FAM135B: variants seen among roughly 807,000 people sequenced by gnomAD.
FAM135B encodes the protein protein FAM135B.
Under a neutral mutation model 127.7 loss-of-function variants are expected in FAM135B, and 43 were observed. That is an observed-to-expected ratio of 0.34 (90% CI 0.26 to 0.43). FAM135B has a LOEUF of 0.43. Ranked by LOEUF, FAM135B falls within the 20% of genes least tolerant of loss-of-function variation. The probability of loss-of-function intolerance (pLI) is 1.00; values close to 1 mark genes in which losing one functional copy is unlikely to be tolerated. For missense variants in FAM135B, 1,558 were observed against 1,725.6 expected (o/e 0.90, Z 1.72); for synonymous variants, 670 against 665.1 (o/e 1.01, Z -0.11).
rs773604660 is a variant in FAM135B at position 138,153,000 on chromosome 8, A to G, written c.1475T>C (p.Met492Thr). The G allele has an allele frequency of 6.2e-7, 1 of 1,614,246 alleles. No individual in the cohort carries two copies. The highest frequency in any genetic ancestry group is 1.3e-5 in the African/African-American group (1 of 75,072). ...CACCTGAGATTCAGAGCACATGTCCATATGATTTTGTGTGGCCACATTCTC... is the reference window on the plus strand; with the variant it reads ...CACCTGAGATTCAGAGCACATGTCCGTATGATTTTGTGTGGCCACATTCTC... ...PGENVATQNHMDMCSESQVYI... is the reference protein window; with the variant it reads ...PGENVATQNHTDMCSESQVYI... The change falls in exon 13 of 20, where the codon ATG becomes ACG. Residue 492 changes from methionine to threonine, a missense_variant. Coordinates refer to ENST00000395297, the MANE Select transcript of FAM135B (RefSeq NM_015912.4).
chr8:138,373,564 G>A (rs977209012), intron 1 of FAM135B, among the ~76,000 whole-genome samples: 6 of 151,894 alleles, frequency 4.0e-5, no homozygotes, highest in Non-Finnish European at 8.8e-5. Context: ...TAACAGCAAT[G>A]TTCAGGGAAT....
intron 4 of FAM135B, among the ~76,000 whole-genome samples, chr8:138,259,546 T>C (rs1443824809): frequency 6.6e-6 from 1 of 152,190 alleles, no homozygotes; most frequent in Non-Finnish European, 1.5e-5. Flanking sequence ...CTATTATTAT[T>C]GCTGTCATTT....
rs146113652 is a variant in FAM135B at position 138,394,617 on chromosome 8, T to C, written c.-19-26615A>G. Among the ~76,000 whole-genome samples the C allele has an allele frequency of 1.9e-3, 288 of 152,312 alleles. 2 individuals carry two copies. Among genetic ancestry groups the C allele is most frequent in the Middle Eastern group, 0.01 (3 of 294 alleles). ...TCTCATTTCACTGAGGCAGGTGACC[T>C]TGGTGATCTGACTTCCGTGAATGTC... On this transcript the variant is annotated intron_variant, in intron 1 of 19. Transcript: ENST00000395297.
chr8:138,485,373 G>C (rs976769647), intron 1 of FAM135B, among the ~76,000 whole-genome samples: 2 of 152,110 alleles, frequency 1.3e-5, no homozygotes, highest in African/African-American at 2.4e-5. Context: ...ATTCAAGGAA[G>C]AGTCGCATCG....
At chr8:138,163,608 C>A (rs1048287631) in intron 12 of FAM135B, among the ~76,000 whole-genome samples, 63 of 152,138 alleles carry the variant, frequency 4.1e-4, no homozygotes, top group African/African-American at 1.4e-3. Context: ...GGCTCTCATT[C>A]TCTCTTTGCC....
chr8:138,353,018 C>T (rs1829873655), intron 2 of FAM135B, among the ~76,000 whole-genome samples: 2 of 152,138 alleles, frequency 1.3e-5, no homozygotes, highest in Admixed American at 6.5e-5. Flanking sequence ...AATGCCTCTC[C>T]CTGCTACAAT....
intron 1 of FAM135B, among the ~76,000 whole-genome samples, chr8:138,454,692 G>A (rs1836680239): frequency 6.6e-6 from 1 of 152,130 alleles, no homozygotes; most frequent in Admixed American, 6.5e-5. Context: ...AGTCCATCTA[G>A]AGGAGTCTCA....
rs1292531698 is a variant in FAM135B at position 138,242,164 on chromosome 8, TTTG to T, written c.669+775_669+777del. Reference sequence around the variant, plus strand: ...GAGTCAATTACTTATGATAAATCTCTTTGTGTGTGTGTGTGTGTGTGTGTGTGT... The same window carrying T: ...GAGTCAATTACTTATGATAAATCTCTTGTGTGTGTGTGTGTGTGTGTGTGT... On this transcript the variant is annotated intron_variant, in intron 7 of 19. Transcript: ENST00000395297. The surrounding 1 kb of genome is among the most constrained non-coding windows in gnomAD (Gnocchi z 9.6). Among the ~76,000 whole-genome samples the T allele has an allele frequency of 4.4e-5, 6 of 135,208 alleles. No homozygotes were observed. The highest frequency in any genetic ancestry group is 2.7e-4 in the South Asian group (1 of 3,746). 88.7% of individuals were successfully genotyped at this position (135,208 alleles called of 152,430 possible).
chr8:138,185,597 C>T (rs988178115), intron 9 of FAM135B, among the ~76,000 whole-genome samples: 5 of 152,222 alleles, frequency 3.3e-5, no homozygotes, highest in Non-Finnish European at 7.3e-5. Flanking sequence ...AAGCTGCTCA[C>T]TGATGCTTAG....
At chr8:138,223,365 G>C (rs768130729) in intron 7 of FAM135B, among the ~76,000 whole-genome samples, 2 of 152,210 alleles carry the variant, frequency 1.3e-5, no homozygotes, top group African/African-American at 4.8e-5. Flanking sequence ...ACAATGAACT[G>C]TAACCGTTGA....
At chr8:138,275,517 G>A (rs1010356478) in intron 3 of FAM135B, among the ~76,000 whole-genome samples, 2 of 151,858 alleles carry the variant, frequency 1.3e-5, no homozygotes, top group Non-Finnish European at 2.9e-5. Context: ...AGACCCTATC[G>A]CTATAATTTT....
intron 3 of FAM135B, among the ~76,000 whole-genome samples, chr8:138,290,673 G>A (rs946969190): frequency 1.3e-5 from 2 of 152,118 alleles, no homozygotes; most frequent in African/African-American, 4.8e-5. Flanking sequence ...GGTTATGGGA[G>A]CAGAACCTGC....
rs750309705 is a variant in FAM135B at position 138,178,596 on chromosome 8, T to C, written c.968A>G (p.Asp323Gly). The change falls in exon 10 of 20, where the codon GAC becomes GGC. Residue 323 changes from aspartate (D) to glycine (G), a missense_variant. Asp to Gly is a moderately conservative substitution (Grantham distance 94, BLOSUM62 -1). Transcript: ENST00000395297. ...CACTTGGGAGTGCAGAGTGACTGTG[T>C]CCAGGAACTGGGTCCACAGAGTCAT... ...HMMTLWTQFL[D>G]TVTLHSQVTT... The C allele has an allele frequency of 1.2e-6, 2 of 1,614,076 alleles. No individual in the cohort carries two copies. Among genetic ancestry groups the C allele is most frequent in the Non-Finnish European group, 1.7e-6 (2 of 1,180,014 alleles).
At chr8:138,401,427 AGGTGGTGTAACTGTGGAAACCC>A (rs1286658590) in intron 1 of FAM135B, among the ~76,000 whole-genome samples, 2 of 152,208 alleles carry the variant, frequency 1.3e-5, no homozygotes, top group Non-Finnish European at 2.9e-5. Context: ...ATGAAGACCA[AGGTGGTGTAACTGTGGAAACCC>A]TGAGCAGGCA....
chr8:138,340,571 G>A (rs754290908), intron 2 of FAM135B, among the ~76,000 whole-genome samples: 4 of 152,152 alleles, frequency 2.6e-5, no homozygotes, highest in Non-Finnish European at 4.4e-5. Flanking sequence ...CCCATGTCCT[G>A]TTCATCATTC....
At chr8:138,368,505 T>C (rs1830909756) in intron 1 of FAM135B, among the ~76,000 whole-genome samples, 3 of 152,202 alleles carry the variant, frequency 2.0e-5, no homozygotes, top group African/African-American at 7.2e-5. Flanking sequence ...GCACGGTCAT[T>C]TGTGTAGTAA....
At chr8:138,467,519 C>T (rs1837443852) in intron 1 of FAM135B, among the ~76,000 whole-genome samples, 1 of 152,224 alleles carries the variant, frequency 6.6e-6, no homozygotes, top group Admixed American at 6.5e-5. Flanking sequence ...TTTATCACCA[C>T]AGAAAGTTCC....
At chr8:138,283,903 C>T (rs915559927) in intron 3 of FAM135B, among the ~76,000 whole-genome samples, 1 of 151,698 alleles carries the variant, frequency 6.6e-6, no homozygotes, top group African/African-American at 2.4e-5. Flanking sequence ...CCATTCCAAG[C>T]AGAGGGAACA....
At chr8:138,368,796 C>T (rs16908966) in intron 1 of FAM135B, among the ~76,000 whole-genome samples, 4,845 of 151,826 alleles carry the variant, frequency 0.032, 154 homozygotes, top group East Asian at 0.17. Context: ...AGAAATAAAC[C>T]GAGAGGTACA....
Sources: gnomAD v4.1 joint callset for allele counts (sites outside exome capture counted in the v4.1 genomes callset) on GRCh38, gnomAD v4.1.1 for gene constraint, Gnocchi (gnomAD v3.1) non-coding constraint, MANE v1.5 for transcripts, NCBI Gene and HGNC (gene_info 2026-07-23, HGNC 2026-07-21) for gene names.